Variants in MED13L observed in about 807,000 individuals in gnomAD.
The protein encoded by MED13L is mediator complex subunit 13L, also known as mediator of RNA polymerase II transcription subunit 13-like.
Under a neutral mutation model 220.9 loss-of-function variants are expected in MED13L, and 7 were observed. That is an observed-to-expected ratio of 0.03 (90% CI 0.02 to 0.06). The LOEUF (loss-of-function observed/expected upper bound fraction) is 0.06. Ranked by LOEUF, MED13L falls within the 10% of genes least tolerant of loss-of-function variation. The pLI, the probability that MED13L is intolerant of heterozygous loss-of-function variation, is 1.00. For missense variants in MED13L, 1,965 were observed against 2,760.5 expected, an observed-to-expected ratio of 0.71 and a Z score of 6.46; for synonymous variants, 1,011 against 1,015.2, an observed-to-expected ratio of 1.00 and a Z score of 0.08.
intron 1 of MED13L, among the ~76,000 whole-genome samples, chr12:116,251,131 GT>G (rs1871513072): frequency 6.8e-6 from 1 of 147,536 alleles, no homozygotes; most frequent in Non-Finnish European, 1.5e-5. Context: ...TCCAAAGTAG[GT>G]TTAAAAAAAA....
intron 2 of MED13L, among the ~76,000 whole-genome samples, chr12:116,170,253 A>G: frequency 6.6e-6 from 1 of 152,226 alleles, no homozygotes; most frequent in East Asian, 1.9e-4. Flanking sequence ...AGAAGTTATC[A>G]GCTCACAGTG....
chr12:116,011,724 T>C (rs1017852239), intron 9 of MED13L, among the ~76,000 whole-genome samples: 1 of 152,158 alleles, frequency 6.6e-6, no homozygotes, highest in Non-Finnish European at 1.5e-5. Flanking sequence ...GCAAGCAACT[T>C]CTTCAAAAAC....
At chr12:115,990,210 G>C (rs756559830) in intron 17 of MED13L, among the ~76,000 whole-genome samples, 6 of 152,140 alleles carry the variant, frequency 3.9e-5, no homozygotes, top group Non-Finnish European at 8.8e-5. Flanking sequence ...TCATCATTGA[G>C]ATCTCTGAGC....
chr12:116,175,207 G>A (rs758386617), intron 2 of MED13L, among the ~76,000 whole-genome samples: 8 of 151,994 alleles, frequency 5.3e-5, no homozygotes, highest in East Asian at 1.9e-4. Flanking sequence ...GCACCTTCCC[G>A]CCAAAAGTGT....
Position 115,986,967 on chromosome 12 carries a change from CAAAG to C in MED13L, c.4114+138_4114+141del, listed in dbSNP as rs929366975. 59 of 904,742 alleles carry C rather than the reference CAAAG, an allele frequency of 6.5e-5. No homozygotes were observed. In the African/African-American group the frequency reaches 8.6e-4, roughly 13 times the overall value. 56.0% of individuals were successfully genotyped at this position (904,742 alleles called of 1,614,324 possible). ...GACTCCAAAAGTAACTTTAGGAAAA[CAAAG>C]AGATTATAAAACTAAATGGTCAAAG... is the stretch of plus-strand genomic sequence containing the variant. On this transcript the variant is annotated intron_variant, in intron 18 of 30. Transcript: ENST00000281928.
intron 2 of MED13L, among the ~76,000 whole-genome samples, chr12:116,119,838 A>AATATATATATATATATATAT (rs1555213243): frequency 6.3e-5 from 2 of 31,598 alleles, no homozygotes; most frequent in African/African-American, 2.7e-4. Flanking sequence ...AAAAAAAAAA[A>AATATATATATATATATATAT]ATATATATAT....
In MED13L at chr12:115,991,912, G is replaced by A; in HGVS notation, c.3042C>T (p.Asn1014=). The change falls in exon 17 of 31, where the codon AAC becomes AAT. Residue 1014 remains asparagine, a synonymous_variant. Transcript: ENST00000281928. The surrounding 1 kb of genome is among the most constrained non-coding windows in gnomAD (Gnocchi z 7.7). ...TCACGGGTGTGTTCATCTGTGGTGT[G>A]TTCAGATAGTCTGGATCTGCTAGGC... The part of the protein sequence containing the change: ...VGSLADPDYL[N]TPQMNTPVTL... 1 of 1,600,504 alleles carries A rather than the reference G, an allele frequency of 6.2e-7. No homozygotes were observed. The highest frequency in any genetic ancestry group is 8.5e-7 in the Non-Finnish European group (1 of 1,179,922).
intron 1 of MED13L, 67 bp downstream of exon 1, chr12:116,276,993 G>T (rs1227467900): frequency 1.3e-6 from 2 of 1,496,274 alleles, no homozygotes; most frequent in East Asian, 2.5e-5. Context: ...AAAGTTGGTC[G>T]GCGGCGGAGG....
chr12:115,983,069 G>A (rs750064298), intron 21 of MED13L, 48 bp downstream of exon 21: 3 of 1,584,384 alleles, frequency 1.9e-6, no homozygotes, highest in South Asian at 1.1e-5. Flanking sequence ...GAAGAAGAGA[G>A]AAAGGGTCTG....
intron 28 of MED13L, among the ~76,000 whole-genome samples, chr12:115,968,197 A>C (rs1876334054): frequency 6.6e-6 from 1 of 152,094 alleles, no homozygotes; most frequent in Admixed American, 6.6e-5. Flanking sequence ...CCAGTCTCAT[A>C]ACATTTTAAA....
At chr12:116,245,376 A>T (rs1424134041) in intron 1 of MED13L, among the ~76,000 whole-genome samples, 4 of 152,196 alleles carry the variant, frequency 2.6e-5, no homozygotes, top group African/African-American at 4.8e-5. Flanking sequence ...GCGCACAGTT[A>T]AGCAAATGTC....
At chr12:116,011,629 A>G (rs1879409428) in intron 9 of MED13L, among the ~76,000 whole-genome samples, 1 of 152,244 alleles carries the variant, frequency 6.6e-6, no homozygotes, top group African/African-American at 2.4e-5. Context: ...AATTCACAAG[A>G]GCCTAGAGAC....
intron 1 of MED13L, among the ~76,000 whole-genome samples, chr12:116,250,463 A>G (rs1296356049): frequency 1.3e-5 from 2 of 151,962 alleles, no homozygotes; most frequent in Non-Finnish European, 2.9e-5. Flanking sequence ...ATAAATAAAT[A>G]AAAAATACTT....
intron 1 of MED13L, among the ~76,000 whole-genome samples, chr12:116,267,658 G>A (rs1177498652): frequency 6.6e-6 from 1 of 152,142 alleles, no homozygotes; most frequent in Non-Finnish European, 1.5e-5. Context: ...CTACTACCAG[G>A]TTATTTCCCA....
intron 5 of MED13L, among the ~76,000 whole-genome samples, chr12:116,020,524 T>C (rs1879998594): frequency 6.6e-6 from 1 of 152,174 alleles, no homozygotes; most frequent in Admixed American, 6.5e-5. Context: ...ATAAATGAAA[T>C]TTCTAACAGT....
chr12:115,997,242 A>G lies in MED13L; in HGVS notation c.2570-12T>C. ...CAAGTCTGCAACTGCTAAAAATAAG[A>G]AATAAAAAAAATTTGTTTAATAGGA... On this transcript the variant is annotated splice_polypyrimidine_tract_variant and intron_variant, in intron 14 of 30. Transcript: ENST00000281928. 6.2e-7 allele frequency: 1 copy of G among 1,612,344 alleles called. No individual in the cohort carries two copies. The highest frequency in any genetic ancestry group is 8.5e-7 in the Non-Finnish European group (1 of 1,178,852).
intron 16 of MED13L, among the ~76,000 whole-genome samples, chr12:115,995,766 C>T (rs1878359694): frequency 6.6e-6 from 1 of 152,124 alleles, no homozygotes; most frequent in South Asian, 2.1e-4. Flanking sequence ...ATTGGCCTAC[C>T]ATTGGGGAAA....
rs1288699555 is a variant in MED13L at position 115,974,661 on chromosome 12, A to C, written c.5731+510T>G. Among the ~76,000 whole-genome samples, 6 of 152,360 alleles carry C rather than the reference A, an allele frequency of 3.9e-5. No homozygotes were observed. The East Asian group carries it at 1.2e-3, about 29-fold the overall frequency. On this transcript the variant is annotated intron_variant, in intron 25 of 30. Transcript: ENST00000281928. ...GTAAGCTTCCAGGCTCAAGAACATC[A>C]GACAGTGGCAATGTGAATAAAGACT...
intron 2 of MED13L, among the ~76,000 whole-genome samples, chr12:116,124,497 A>T (rs1198969920): frequency 6.6e-6 from 1 of 152,190 alleles, no homozygotes; most frequent in Non-Finnish European, 1.5e-5. Context: ...ACAACAAAAT[A>T]ATTTGTTCTC....
Sources: gnomAD v4.1 joint callset for allele counts (sites outside exome capture counted in the v4.1 genomes callset) on GRCh38, gnomAD v4.1.1 for gene constraint, Gnocchi (gnomAD v3.1) non-coding constraint, MANE v1.5 for transcripts, NCBI Gene and HGNC (gene_info 2026-07-23, HGNC 2026-07-21) for gene names.